Variants in NLGN4Y observed in about 807,000 individuals in gnomAD.
NLGN4Y encodes the protein neuroligin-4, Y-linked.
Under a neutral mutation model 8.4 loss-of-function variants are expected in NLGN4Y, and 4 were observed. The observed-to-expected ratio is 0.48, with a 90% CI of 0.23 to 1.09. The LOEUF is 1.09. NLGN4Y is among the 50% of genes least tolerant of loss of function. NLGN4Y has a pLI of 0.19. For synonymous variants in NLGN4Y, 35 were observed against 75.6 expected (o/e 0.46, Z 2.78); for missense variants, 90 against 192.3 (o/e 0.47, Z 3.15).
intron 1 of NLGN4Y, among the ~76,000 whole-genome samples, chrY:14,620,558 A>G: frequency 3.0e-5 from 1 of 33,898 alleles, no homozygotes; most frequent in South Asian, 6.5e-4. Context: ...ATCCAGTTCC[A>G]ATATGTTTTA....
intron 1 of NLGN4Y, among the ~76,000 whole-genome samples, chrY:14,553,720 A>G (rs2080202641): frequency 3.2e-5 from 1 of 31,086 alleles, no homozygotes; most frequent in Non-Finnish European, 7.7e-5. Context: ...TTGTAGATAT[A>G]TAAATTCTGA....
chrY:14,617,416 G>T, intron 1 of NLGN4Y, among the ~76,000 whole-genome samples: 1 of 27,428 alleles, frequency 3.6e-5, no homozygotes, highest in Non-Finnish European at 8.3e-5. Flanking sequence ...CAGACGCTGT[G>T]TGCCTGAGTA....
intron 1 of NLGN4Y, among the ~76,000 whole-genome samples, chrY:14,559,324 T>C: frequency 1.2e-4 from 4 of 33,589 alleles, no homozygotes; most frequent in African/African-American, 4.6e-4. Flanking sequence ...AACAATGCCC[T>C]AAATGTCTTG....
intron 1 of NLGN4Y, among the ~76,000 whole-genome samples, chrY:14,552,338 C>T (rs2080195944): frequency 3.0e-5 from 1 of 33,463 alleles, no homozygotes; most frequent in Admixed American, 2.7e-4. Context: ...AGCTGAATTC[C>T]ACCAGAGGTA....
chrY:14,621,553 G>A, intron 1 of NLGN4Y, among the ~76,000 whole-genome samples: 1 of 33,580 alleles, frequency 3.0e-5, no homozygotes, highest in Non-Finnish European at 7.4e-5. Flanking sequence ...CACTAGGCAT[G>A]GTGACTGACG....
chrY:14,627,943 C>T, intron 2 of NLGN4Y, among the ~76,000 whole-genome samples: 1 of 33,562 alleles, frequency 3.0e-5, no homozygotes, highest in Non-Finnish European at 7.4e-5. Context: ...CTTTAGTAGG[C>T]GGAGGTGAGT....
At chrY:14,697,264 A>G (rs2080831786) in intron 2 of NLGN4Y, among the ~76,000 whole-genome samples, 1 of 30,223 alleles carries the variant, frequency 3.3e-5, no homozygotes, top group Non-Finnish European at 8.0e-5. Context: ...TAGATAATAG[A>G]TGTGAATCGA....
At chrY:14,574,372 T>A (rs781106988) in intron 1 of NLGN4Y, among the ~76,000 whole-genome samples, 154 of 33,399 alleles carry the variant, frequency 4.6e-3, no homozygotes, top group Admixed American at 0.021. Flanking sequence ...CTCTTTTGAT[T>A]GTGTTGGTTT....
At chrY:14,549,429 C>T in intron 1 of NLGN4Y, among the ~76,000 whole-genome samples, 3 of 33,178 alleles carry the variant, frequency 9.0e-5, no homozygotes, top group African/African-American at 2.4e-4. Flanking sequence ...CTGTGCTACA[C>T]GACCTGCCCC....
chrY:14,697,698 A>G, intron 2 of NLGN4Y, among the ~76,000 whole-genome samples: 1 of 32,478 alleles, frequency 3.1e-5, no homozygotes, highest in Admixed American at 2.8e-4. Flanking sequence ...ACAGAGGGAT[A>G]GATAGGTAGA....
intron 2 of NLGN4Y, among the ~76,000 whole-genome samples, chrY:14,626,107 TTGG>T (rs2080526557): frequency 3.0e-5 from 1 of 33,848 alleles, no homozygotes; most frequent in Non-Finnish European, 7.3e-5. Flanking sequence ...GTGTCCGGAA[TTGG>T]TGGGTTCTTG....
intron 6 of NLGN4Y, among the ~76,000 whole-genome samples, chrY:14,833,061 G>A (rs894243966): frequency 2.4e-3 from 79 of 32,974 alleles, no homozygotes; most frequent in Admixed American, 3.9e-3. Context: ...ACTTCCAGGC[G>A]AGTATTCTCT....
At chrY:14,537,501 T>C (rs2080137408) in intron 1 of NLGN4Y, among the ~76,000 whole-genome samples, 1 of 33,931 alleles carries the variant, frequency 2.9e-5, no homozygotes. Flanking sequence ...TAAGCAGATA[T>C]GTTACAAATT....
intron 1 of NLGN4Y, among the ~76,000 whole-genome samples, chrY:14,562,343 T>G (rs981496286): frequency 3.9e-4 from 13 of 33,591 alleles, no homozygotes; most frequent in African/African-American, 1.5e-3. Flanking sequence ...CCACCACTTG[T>G]GTGTGACAGC....
intron 6 of NLGN4Y, among the ~76,000 whole-genome samples, chrY:14,839,315 A>G (rs750706794): frequency 3.0e-5 from 1 of 33,660 alleles, no homozygotes; most frequent in Non-Finnish European, 7.3e-5. Flanking sequence ...AGAAATGAGA[A>G]TTTGGTATAT....
At chrY:14,746,570 C>T (rs2081024811) in intron 4 of NLGN4Y, among the ~76,000 whole-genome samples, 1 of 33,253 alleles carries the variant, frequency 3.0e-5, no homozygotes, top group Non-Finnish European at 7.4e-5. Flanking sequence ...GGCTTTCAGT[C>T]ATGGTTAGGT....
At chrY:14,623,607 T>C in intron 2 of NLGN4Y, among the ~76,000 whole-genome samples, 1 of 34,220 alleles carries the variant, frequency 2.9e-5, no homozygotes, top group Non-Finnish European at 7.3e-5. Context: ...CTCATTGTTC[T>C]TTACACTTTA....
chrY:14,682,809 T>A, intron 2 of NLGN4Y, among the ~76,000 whole-genome samples: 1 of 32,036 alleles, frequency 3.1e-5, no homozygotes, highest in Non-Finnish European at 7.6e-5. Context: ...GCCAGCCTGG[T>A]CAATATAGGG....
chrY:14,787,285 CA>C (rs2042971016), intron 4 of NLGN4Y, among the ~76,000 whole-genome samples: 2 of 32,630 alleles, frequency 6.1e-5, no homozygotes, highest in Non-Finnish European at 1.5e-4. Flanking sequence ...CTTGACCTCC[CA>C]AAATGCTGAG....
Sources: allele counts gnomAD v4.1 joint callset (sites outside exome capture counted in the v4.1 genomes callset), GRCh38; gene constraint gnomAD v4.1.1; transcripts MANE v1.5; gene names NCBI Gene and HGNC (gene_info 2026-07-23, HGNC 2026-07-21).